The following MS4A15 variants were observed in gnomAD, a reference collection of about 807,000 sequenced individuals.
The protein encoded by MS4A15 is membrane-spanning 4-domains subfamily A member 15.
In MS4A15, 22 loss-of-function variants were observed where a neutral mutation model predicts 20.6. The observed-to-expected ratio is 1.07, with a 90% CI of 0.76 to 1.52. The LOEUF is 1.52. Among genes scored for constraint, MS4A15 ranks in the 40% most tolerant of loss-of-function variants. MS4A15 has a pLI of 0.00. For synonymous variants in MS4A15, 129 were observed against 129.3 expected, an observed-to-expected ratio of 1.00 and a Z score of 0.02; for missense variants, 312 against 323.0, an observed-to-expected ratio of 0.97 and a Z score of 0.26.
intron 3 of MS4A15, among the ~76,000 whole-genome samples, chr11:60,768,786 T>C (rs1853948343): frequency 6.6e-6 from 1 of 152,208 alleles, no homozygotes; most frequent in Non-Finnish European, 1.5e-5. Flanking sequence ...GCAAGTCCTT[T>C]TTCGAGAGAA....
At position 60,775,680 on chromosome 11, in the gene MS4A15, T is replaced by G; in HGVS notation, c.688T>G (p.Tyr230Asp). ...CCCGGCAGCCTCTGCGCCCCCTGCCTATGACAATGTGGCATATGCCCAAGG... is the reference window on the plus strand; with the variant it reads ...CCCGGCAGCCTCTGCGCCCCCTGCCGATGACAATGTGGCATATGCCCAAGG... ...PSPAASAPPA[Y>D]DNVAYAQGVV The change falls in exon 7 of 7, where the codon TAT (tyrosine) becomes GAT (aspartate). Residue 230 changes from tyrosine to aspartate, a missense_variant. Physicochemically the swap from Tyr to Asp is radical, Grantham distance 160 (BLOSUM62 -3). Coordinates refer to ENST00000405633, the MANE Select transcript of MS4A15 (RefSeq NM_001098835.2). 1 of 1,613,946 alleles carries G rather than the reference T, an allele frequency of 6.2e-7. No individual in the cohort carries two copies. The highest frequency in any genetic ancestry group is 8.5e-7 in the Non-Finnish European group (1 of 1,179,916).
At chr11:60,772,371 T>C (rs1165681819) in intron 4 of MS4A15, among the ~76,000 whole-genome samples, 3 of 152,150 alleles carry the variant, frequency 2.0e-5, no homozygotes, top group Non-Finnish European at 4.4e-5. Flanking sequence ...TCCCAGGTGC[T>C]GGGCAGAGAA....
Position 60,763,902 on chromosome 11 carries a change from C to A in MS4A15, c.169C>A (p.Pro57Thr). Residue 57 changes from proline (P) to threonine (T), a missense_variant, in exon 2 of 7, where the codon CCA (proline) becomes ACA (threonine). Physicochemically the swap from Pro to Thr is conservative, Grantham distance 38 (BLOSUM62 -1). Coordinates refer to ENST00000405633, the MANE Select transcript of MS4A15 (RefSeq NM_001098835.2). ...LGAQTPRATQPPDLRPVETFL... is the reference protein window; with the variant it reads ...LGAQTPRATQTPDLRPVETFL... ...GGCACAGACACCAAGGGCCACACAG[C>A]CACCTGACTTGCGGCCCGTGGAGAC... The A allele has an allele frequency of 6.2e-7, 1 of 1,613,176 alleles. No individual in the cohort carries two copies. Among genetic ancestry groups the A allele is most frequent in the Non-Finnish European group, 8.5e-7 (1 of 1,179,904 alleles).
At chr11:60,764,817 G>A (rs1193929318) in intron 2 of MS4A15, among the ~76,000 whole-genome samples, 1 of 152,122 alleles carries the variant, frequency 6.6e-6, no homozygotes, top group Non-Finnish European at 1.5e-5. Context: ...GCTGAGGCAG[G>A]AGAATTGCTT....
At chr11:60,757,800 G>A (rs919978047) in intron 1 of MS4A15, among the ~76,000 whole-genome samples, 2 of 152,162 alleles carry the variant, frequency 1.3e-5, no homozygotes, top group African/African-American at 4.8e-5. Context: ...CCAACTCCTC[G>A]TCAAACTTTC....
chr11:60,770,065 G>A (rs1853993658), intron 3 of MS4A15, among the ~76,000 whole-genome samples: 1 of 152,206 alleles, frequency 6.6e-6, no homozygotes, highest in Non-Finnish European at 1.5e-5. Context: ...CAGACGCAGG[G>A]CCAGCCCCAC....
At chr11:60,764,231 A>G (rs1853826250) in intron 2 of MS4A15, among the ~76,000 whole-genome samples, 1 of 152,142 alleles carries the variant, frequency 6.6e-6, no homozygotes, top group African/African-American at 2.4e-5. Context: ...GTAGGTGGAA[A>G]CTTGTCTCTG....
At chr11:60,767,721 C>G in intron 3 of MS4A15, 66 bp downstream of exon 3, 1 of 1,448,810 alleles carries the variant, frequency 6.9e-7, no homozygotes, top group Non-Finnish European at 9.1e-7. Context: ...CTCCCCCACG[C>G]GCCCACCCCC....
chr11:60,774,394 G>A (rs187408615), intron 6 of MS4A15, among the ~76,000 whole-genome samples: 1 of 152,276 alleles, frequency 6.6e-6, no homozygotes, highest in African/African-American at 2.4e-5. Context: ...CTTCAGCCTG[G>A]GTGACAGAGG....
chr11:60,758,525 C>T (rs1389067995), intron 1 of MS4A15, among the ~76,000 whole-genome samples: 1 of 152,218 alleles, frequency 6.6e-6, no homozygotes, highest in Admixed American at 6.5e-5. Flanking sequence ...GGCACTACAA[C>T]TCATCTGACT....
At chr11:60,766,991 G>GA (rs1853900040) in intron 2 of MS4A15, among the ~76,000 whole-genome samples, 1 of 152,214 alleles carries the variant, frequency 6.6e-6, no homozygotes. Context: ...TCACACTTGG[G>GA]AAAACCATCC....
chr11:60,773,811 A>T, intron 5 of MS4A15, 26 bp from the exon 6 acceptor site: 1 of 1,598,754 alleles, frequency 6.3e-7, no homozygotes, highest in Non-Finnish European at 8.6e-7. Flanking sequence ...CTCTGGGCTC[A>T]CCTTTCTGTG....
At chr11:60,771,849 A>C (rs1470471783) in intron 4 of MS4A15, 5 of 1,059,296 alleles carry the variant, frequency 4.7e-6, no homozygotes, top group Non-Finnish European at 6.1e-6. Flanking sequence ...TTCTGCAGGC[A>C]CTGGGAGGCG....
Position 60,757,051 on chromosome 11 carries a change from G to A in MS4A15, c.-36G>A, listed in dbSNP as rs1174577771. 1 of 152,206 alleles carries A rather than the reference G, an allele frequency of 6.6e-6. No homozygotes were observed. The highest frequency in any genetic ancestry group is 1.5e-5 in the Non-Finnish European group (1 of 68,054). 9.4% of individuals were successfully genotyped at this position (152,206 alleles called of 1,614,324 possible). ...GGAGGAAAACTCATCAATTTTCGGG[G>A]AATCCCGGTAAGGGACAGTCCTGAC... is the stretch of plus-strand genomic sequence containing the variant. On this transcript the variant is annotated 5_prime_UTR_variant, in exon 1 of 7. Transcript: ENST00000405633.
At chr11:60,763,597 G>A (rs1285520147) in intron 1 of MS4A15, 109 bp from the exon 2 acceptor site, 5 of 871,044 alleles carry the variant, frequency 5.7e-6, no homozygotes, top group Non-Finnish European at 8.8e-6. Flanking sequence ...AGCGTTTGGG[G>A]CCATACTGGC....
chr11:60,776,436 A>G lies in MS4A15; in HGVS notation c.*721A>G, dbSNP rs2276324. ...GCCCCCCACCCCCTACCATCTCCCA[A>G]TGGAGGGGAGGTTGCAGGGGAGAGC... On this transcript the variant is annotated 3_prime_UTR_variant, in exon 7 of 7. Coordinates refer to ENST00000405633, the MANE Select transcript of MS4A15 (RefSeq NM_001098835.2). 46,042 of 144,536 alleles carry G rather than the reference A, an allele frequency of 0.32. 7,344 individuals carry two copies. Among genetic ancestry groups the G allele is most frequent in the Non-Finnish European group, 0.36 (23,437 of 65,836 alleles). The allele number at this position is 144,536 out of a possible 1,614,324, so 9.0% of individuals were successfully genotyped here. A position where few individuals can be genotyped will look rare whatever the true frequency, so the allele number is the denominator to read the frequency against.
chr11:60,760,550 C>T (rs187789837), intron 1 of MS4A15, among the ~76,000 whole-genome samples: 4 of 152,302 alleles, frequency 2.6e-5, no homozygotes, highest in Admixed American at 2.6e-4. Flanking sequence ...TGCAGTTGCT[C>T]ATTTGTTTGA....
In MS4A15 at chr11:60,771,286, T is replaced by C; in HGVS notation, c.349-5T>C. 6.2e-7 allele frequency: 1 copy of C among 1,613,602 alleles called. No homozygotes were observed. The highest frequency in any genetic ancestry group is 8.5e-7 in the Non-Finnish European group (1 of 1,179,940). Reference sequence around the variant, plus strand: ...GGCCTCACCTGGTCCCCTCTCCCCATACAGTTCATCATCTCCGGATCCCTC... The same window carrying C: ...GGCCTCACCTGGTCCCCTCTCCCCACACAGTTCATCATCTCCGGATCCCTC... On this transcript the variant is annotated splice_polypyrimidine_tract_variant and splice_region_variant and intron_variant, in intron 3 of 6. Coordinates refer to ENST00000405633, the MANE Select transcript of MS4A15 (RefSeq NM_001098835.2).
At chr11:60,771,525 GAGA>G (rs1854043242) in intron 4 of MS4A15, 178 bp downstream of exon 4, 1 of 1,534,824 alleles carries the variant, frequency 6.5e-7, no homozygotes, top group Non-Finnish European at 8.7e-7. Context: ...GCATGTCCAG[GAGA>G]AGAAGACAGG....
Sources: allele counts gnomAD v4.1 joint callset (sites outside exome capture counted in the v4.1 genomes callset), GRCh38; gene constraint gnomAD v4.1.1; transcripts MANE v1.5; gene names NCBI Gene and HGNC (gene_info 2026-07-23, HGNC 2026-07-21).